GANC: variants seen among roughly 807,000 people sequenced by gnomAD.
GANC encodes glucosidase alpha, neutral C, also known as neutral alpha-glucosidase C.
A neutral mutation model predicts 124.2 loss-of-function variants in GANC; 117 were observed. The observed-to-expected ratio is 0.94, with a 90% CI of 0.81 to 1.10. The LOEUF (loss-of-function observed/expected upper bound fraction) is 1.10. Among genes scored for constraint, GANC ranks in the 50% least tolerant of loss-of-function variants. The probability of loss-of-function intolerance (pLI) is 0.00; values close to 1 mark genes in which losing one functional copy is unlikely to be tolerated. For synonymous variants in GANC, 377 were observed against 376.8 expected (o/e 1.00, Z -0.01); for missense variants, 1,140 against 1,095.0 (o/e 1.04, Z -0.58).
chr15:42,318,815 C>T (rs1220741082), intron 10 of GANC, among the ~76,000 whole-genome samples: 1 of 152,114 alleles, frequency 6.6e-6, no homozygotes, highest in Non-Finnish European at 1.5e-5. Context: ...TTTTAAAACC[C>T]TAGGCTCAAG....
intron 10 of GANC, among the ~76,000 whole-genome samples, chr15:42,311,145 T>G (rs983506226): frequency 2.3e-4 from 35 of 152,232 alleles, no homozygotes; most frequent in African/African-American, 8.2e-4. Flanking sequence ...ACTTCAACTT[T>G]TCTATGTTTT....
chr15:42,345,187 A>G (rs1345308379), intron 19 of GANC, among the ~76,000 whole-genome samples: 5 of 151,920 alleles, frequency 3.3e-5, no homozygotes, highest in Admixed American at 1.3e-4. Context: ...ATAGATAACA[A>G]CCTTATCTTT....
chr15:42,353,125 G>C lies in GANC; in HGVS notation c.*986G>C. 1.0e-6 allele frequency: 1 copy of C among 985,764 alleles called. No homozygotes were observed. Among genetic ancestry groups the C allele is most frequent in the Non-Finnish European group, 1.2e-6 (1 of 829,914 alleles). 61.1% of individuals were successfully genotyped at this position (985,764 alleles called of 1,614,324 possible). The stretch of plus-strand genomic sequence containing the variant: ...AGGCTCTAATATGGCTTGGCATGGG[G>C]CAGAACATTACAACATACCAGTCGT... On this transcript the variant is annotated 3_prime_UTR_variant, in exon 24 of 24. Transcript: ENST00000318010.
At chr15:42,326,247 A>G (rs962425646) in intron 11 of GANC, 51 bp from the exon 12 acceptor site, 1 of 1,323,652 alleles carries the variant, frequency 7.6e-7, no homozygotes. Context: ...ATACGTGAAC[A>G]TTTGTCTTAC....
chr15:42,347,671 C>T (rs1347364411), intron 20 of GANC, among the ~76,000 whole-genome samples: 2 of 152,188 alleles, frequency 1.3e-5, no homozygotes, highest in African/African-American at 4.8e-5. Flanking sequence ...TACATACACA[C>T]ATACACAGAC....
In GANC at chr15:42,343,286, T is replaced by C. The variant is rs190183421; in HGVS notation, c.2229+132T>C. The C allele has an allele frequency of 3.1e-4, 230 of 746,246 alleles. No homozygotes were observed. The African/African-American group carries it at 3.5e-3, about 11-fold the overall frequency. 46.2% of individuals were successfully genotyped at this position (746,246 alleles called of 1,614,324 possible). On this transcript the variant is annotated intron_variant, in intron 19 of 23. Coordinates refer to ENST00000318010, the MANE Select transcript of GANC (RefSeq NM_198141.3). ...TGACTATAGCAAGTAATTATTATAATAAGTCATGACCACTGTCCTCAGAGG... is the reference window on the plus strand; with the variant it reads ...TGACTATAGCAAGTAATTATTATAACAAGTCATGACCACTGTCCTCAGAGG...
In GANC at chr15:42,327,434, G is replaced by A; in HGVS notation, c.1492G>A (p.Val498Ile). 6.2e-7 allele frequency: 1 copy of A among 1,612,530 alleles called. No individual in the cohort carries two copies. Among genetic ancestry groups the A allele is most frequent in the Non-Finnish European group, 8.5e-7 (1 of 1,178,944 alleles). The change falls in exon 13 of 24, where the codon GTT (valine) becomes ATT (isoleucine). Residue 498 changes from valine to isoleucine, a missense_variant. Physicochemically the swap from Val to Ile is conservative, Grantham distance 29. Transcript: ENST00000318010. Reference protein sequence around the residue: ...EWYSSLFAFPVYQGSTDILFL... With the variant: ...EWYSSLFAFPIYQGSTDILFL... Reference sequence around the variant, plus strand: ...GTATTCAAGTCTTTTTGCTTTCCCTGTTTATCAGGTTGGTTTTTATTCCTT... The same window carrying A: ...GTATTCAAGTCTTTTTGCTTTCCCTATTTATCAGGTTGGTTTTTATTCCTT...
intron 15 of GANC, among the ~76,000 whole-genome samples, chr15:42,334,895 T>C (rs988428459): frequency 6.6e-6 from 1 of 152,052 alleles, no homozygotes; most frequent in Non-Finnish European, 1.5e-5. Context: ...TGGACACATA[T>C]ACCCTCCTAA....
Position 42,292,748 on chromosome 15 carries a change from T to G in GANC, c.343T>G (p.Ser115Ala). The G allele has an allele frequency of 6.2e-7, 1 of 1,613,870 alleles. No homozygotes were observed. The highest frequency in any genetic ancestry group is 8.5e-7 in the Non-Finnish European group (1 of 1,179,826). The change falls in exon 5 of 24, where the codon TCT (serine) becomes GCT (alanine). Residue 115 changes from serine to alanine, a missense_variant. Physicochemically the swap from Ser to Ala is moderately conservative, Grantham distance 99 (BLOSUM62 1). Transcript: ENST00000318010. ...TTTGTTTTCTAGGCTGATTTCATGC[T>G]CTGGGGACACAGGCAGTCTGATATT... ...KPSTVRLISC[S>A]GDTGSLILAD...
chr15:42,298,434 T>C (rs1023294208), intron 6 of GANC, among the ~76,000 whole-genome samples: 3 of 152,184 alleles, frequency 2.0e-5, no homozygotes, highest in African/African-American at 7.2e-5. Flanking sequence ...TGAGACATCA[T>C]TGAAAAATAT....
intron 1 of GANC, among the ~76,000 whole-genome samples, chr15:42,275,169 A>G (rs2051652546): frequency 6.6e-6 from 1 of 152,104 alleles, no homozygotes; most frequent in African/African-American, 2.4e-5. Context: ...TGAACCCAGG[A>G]GTTCAGACCA....
chr15:42,299,362 C>T (rs572188346), intron 6 of GANC, among the ~76,000 whole-genome samples: 2 of 152,254 alleles, frequency 1.3e-5, no homozygotes, highest in African/African-American at 2.4e-5. Context: ...TGATGGATTA[C>T]GTTTATTGAT....
chr15:42,326,703 A>G (rs2052201267), intron 12 of GANC, among the ~76,000 whole-genome samples: 1 of 152,206 alleles, frequency 6.6e-6, no homozygotes, highest in South Asian at 2.1e-4. Context: ...ACAGAGATAA[A>G]AAGTCGGGGA....
intron 11 of GANC, 24 bp downstream of exon 11, chr15:42,322,044 A>G: frequency 6.4e-7 from 1 of 1,567,528 alleles, no homozygotes; most frequent in African/African-American, 1.4e-5. Flanking sequence ...ACATTTCTGA[A>G]CCTTTTAATT....
chr15:42,297,146 C>G (rs1208184534), intron 5 of GANC, among the ~76,000 whole-genome samples: 2 of 151,722 alleles, frequency 1.3e-5, no homozygotes, highest in Admixed American at 6.6e-5. Context: ...GTGTAGGGAG[C>G]TATGTTCTAC....
chr15:42,308,193 A>G, intron 7 of GANC, 29 bp from the exon 8 acceptor site: 1 of 1,434,008 alleles, frequency 7.0e-7, no homozygotes, highest in Middle Eastern at 1.8e-4. Context: ...TCTTTTCAGA[A>G]ACAAAACTCA....
At chr15:42,332,889 G>A (rs184677321) in intron 15 of GANC, among the ~76,000 whole-genome samples, 12 of 147,724 alleles carry the variant, frequency 8.1e-5, no homozygotes, top group South Asian at 2.1e-4. Context: ...GTGGTAGCGC[G>A]CACCTGTAAT....
At position 42,317,621 on chromosome 15, in the gene GANC, T is replaced by C. The variant is rs887600398; in HGVS notation, c.1058-4164T>C. ...TGCCATAAAAACCCTCATTAAATTG[T>C]GCATTTTAGATGGGTAAATTGCATG... On this transcript the variant is annotated intron_variant, in intron 10 of 23. Coordinates refer to ENST00000318010, the MANE Select transcript of GANC (RefSeq NM_198141.3). Among the ~76,000 whole-genome samples, 8 of 152,192 alleles carry C rather than the reference T, an allele frequency of 5.3e-5. 1 individual carries two copies. Among genetic ancestry groups the C allele is most frequent in the Admixed American group, 3.9e-4 (6 of 15,268 alleles).
At chr15:42,296,227 A>G (rs141060408) in intron 5 of GANC, among the ~76,000 whole-genome samples, 4 of 151,806 alleles carry the variant, frequency 2.6e-5, no homozygotes, top group East Asian at 1.9e-4. Flanking sequence ...TATCCCCCCA[A>G]ATTTTCCTTG....
Sources: gnomAD v4.1 joint callset for allele counts (sites outside exome capture counted in the v4.1 genomes callset) on GRCh38, gnomAD v4.1.1 for gene constraint, MANE v1.5 for transcripts, NCBI Gene and HGNC (gene_info 2026-07-23, HGNC 2026-07-21) for gene names.